The following STK32B variants were observed in gnomAD, a reference collection of about 807,000 sequenced individuals.
The protein encoded by STK32B is serine/threonine kinase 32B.
STK32B carries 43 observed loss-of-function variants against 52.6 expected under a neutral mutation model. The ratio of observed to expected loss-of-function variants is 0.82; its 90% CI spans 0.64 to 1.05. The LOEUF (loss-of-function observed/expected upper bound fraction) is 1.05, where lower values mean the gene tolerates loss of function less well. STK32B is among the 50% of genes least tolerant of loss of function. STK32B has a pLI of 0.00. For synonymous variants in STK32B, 238 were observed against 204.3 expected (o/e 1.17, Z -1.41); for missense variants, 621 against 534.6 (o/e 1.16, Z -1.59).
At chr4:5,256,890 T>A (rs965570559) in intron 3 of STK32B, among the ~76,000 whole-genome samples, 1 of 152,194 alleles carries the variant, frequency 6.6e-6, no homozygotes, top group Non-Finnish European at 1.5e-5. Flanking sequence ...TGGGGCTGCC[T>A]TGACTCCACT....
chr4:5,068,128 A>G (rs901096955), intron 1 of STK32B, among the ~76,000 whole-genome samples: 12 of 152,158 alleles, frequency 7.9e-5, no homozygotes, highest in African/African-American at 2.9e-4. Flanking sequence ...AACCTATACA[A>G]TTCATCCATT....
chr4:5,298,848 A>C (rs1461238066), intron 3 of STK32B, among the ~76,000 whole-genome samples: 4 of 151,824 alleles, frequency 2.6e-5, no homozygotes, highest in Admixed American at 1.3e-4. Context: ...CAAAAAAAAA[A>C]AAACTCCTGC....
intron 3 of STK32B, among the ~76,000 whole-genome samples, chr4:5,313,862 G>T (rs1159699311): frequency 1.3e-5 from 2 of 152,042 alleles, no homozygotes; most frequent in Non-Finnish European, 2.9e-5. Context: ...AATAAACCTA[G>T]ATATAAATGT....
intron 3 of STK32B, among the ~76,000 whole-genome samples, chr4:5,300,356 TC>T (rs1481905583): frequency 6.6e-6 from 1 of 152,006 alleles, no homozygotes; most frequent in Non-Finnish European, 1.5e-5. Flanking sequence ...AAAGCATGCC[TC>T]CTATGAACTG....
At chr4:5,474,728 G>C (rs112692916) in intron 11 of STK32B, among the ~76,000 whole-genome samples, 2 of 152,158 alleles carry the variant, frequency 1.3e-5, no homozygotes, top group Admixed American at 6.5e-5. Flanking sequence ...TGCTGGCCAT[G>C]GGGGAGCTAC....
the STK32B span, among the ~76,000 whole-genome samples, chr4:5,043,131 A>C: frequency 1.3e-5 from 2 of 151,516 alleles, no homozygotes; most frequent in African/African-American, 4.8e-5. Context: ...AAAAAAAAAA[A>C]AAAAACCTGT....
At chr4:5,245,713 G>A (rs1369027139) in intron 3 of STK32B, among the ~76,000 whole-genome samples, 1 of 152,174 alleles carries the variant, frequency 6.6e-6, no homozygotes, top group African/African-American at 2.4e-5. Context: ...GCTGGTACCA[G>A]TTGTTCCTTT....
the STK32B span, among the ~76,000 whole-genome samples, chr4:5,035,184 A>G: frequency 1.3e-5 from 2 of 152,148 alleles, no homozygotes; most frequent in Non-Finnish European, 2.9e-5. Context: ...TAAGCACCAC[A>G]CACCTTTTCC....
chr4:5,136,964 A>T (rs1001917382), intron 1 of STK32B, among the ~76,000 whole-genome samples: 1 of 152,150 alleles, frequency 6.6e-6, no homozygotes, highest in South Asian at 2.1e-4. Context: ...AGTTTCCCCA[A>T]AGGAGCCCAC....
At chr4:5,358,193 A>G (rs1347804499) in intron 4 of STK32B, among the ~76,000 whole-genome samples, 1 of 152,220 alleles carries the variant, frequency 6.6e-6, no homozygotes, top group Non-Finnish European at 1.5e-5. Context: ...AATTGGGTGG[A>G]GAGTGTTTAT....
intron 4 of STK32B, among the ~76,000 whole-genome samples, chr4:5,367,664 G>T: frequency 6.6e-6 from 1 of 152,304 alleles, no homozygotes; most frequent in Admixed American, 6.5e-5. Flanking sequence ...TTTAAAAGAA[G>T]AATGTGCGCA....
At chr4:5,114,698 C>T (rs991085474) in intron 1 of STK32B, among the ~76,000 whole-genome samples, 1 of 152,210 alleles carries the variant, frequency 6.6e-6, no homozygotes, top group Admixed American at 6.5e-5. Context: ...AAACAACTCG[C>T]TCCCGTCTTC....
intron 1 of STK32B, 102 bp downstream of exon 1, chr4:5,052,017 G>A: frequency 6.6e-7 from 1 of 1,515,598 alleles, no homozygotes; most frequent in Middle Eastern, 1.7e-4. Flanking sequence ...CCGGCGCGGG[G>A]ACCCAGGCAT....
At chr4:5,304,595 G>T (rs1729793707) in intron 3 of STK32B, among the ~76,000 whole-genome samples, 1 of 151,736 alleles carries the variant, frequency 6.6e-6, no homozygotes, top group African/African-American at 2.4e-5. Flanking sequence ...GAGTCTTTAG[G>T]GTTTTCTAGG....
At chr4:5,364,249 T>C (rs1462012016) in intron 4 of STK32B, among the ~76,000 whole-genome samples, 1 of 152,194 alleles carries the variant, frequency 6.6e-6, no homozygotes, top group African/African-American at 2.4e-5. Flanking sequence ...TTCAGAATGA[T>C]AGAAACCCAA....
At chr4:5,112,425 G>A (rs557496199) in intron 1 of STK32B, among the ~76,000 whole-genome samples, 1 of 152,262 alleles carries the variant, frequency 6.6e-6, no homozygotes, top group South Asian at 2.1e-4. Context: ...ACAGGCTCGA[G>A]ACCCAAGAAG....
At chr4:5,372,402 TCA>T (rs1328951870) in intron 4 of STK32B, among the ~76,000 whole-genome samples, 1 of 152,120 alleles carries the variant, frequency 6.6e-6, no homozygotes, top group Non-Finnish European at 1.5e-5. Flanking sequence ...GATGGTGCTG[TCA>T]TTCTTTTTGC....
intron 3 of STK32B, among the ~76,000 whole-genome samples, chr4:5,258,096 C>T (rs1053417781): frequency 3.3e-5 from 5 of 152,156 alleles, no homozygotes; most frequent in African/African-American, 4.8e-5. Flanking sequence ...TGTTATGTGG[C>T]TCAATTCATA....
chr4:5,044,779 T>C, the STK32B span, among the ~76,000 whole-genome samples: 1 of 152,044 alleles, frequency 6.6e-6, no homozygotes, highest in Non-Finnish European at 1.5e-5. Flanking sequence ...GGTGTGGTGG[T>C]ACACACCTGT....
Sources: gnomAD v4.1 joint callset for allele counts (sites outside exome capture counted in the v4.1 genomes callset) on GRCh38, gnomAD v4.1.1 for gene constraint, MANE v1.5 for transcripts, NCBI Gene and HGNC (gene_info 2026-07-23, HGNC 2026-07-21) for gene names.